HSH2D: variants seen among roughly 807,000 people sequenced by gnomAD.
HSH2D encodes the protein hematopoietic SH2 domain-containing protein.
Under a neutral mutation model 21.5 loss-of-function variants are expected in HSH2D, and 16 were observed. The observed-to-expected ratio is 0.74, with a 90% CI of 0.50 to 1.13. The LOEUF is 1.13. Ranked by LOEUF, HSH2D falls within the 50% of genes most tolerant of loss-of-function variation. HSH2D has a pLI of 0.00. For missense variants in HSH2D, 418 were observed against 441.4 expected (o/e 0.95, Z 0.47); for synonymous variants, 172 against 184.7 (o/e 0.93, Z 0.56).
upstream of HSH2D, among the ~76,000 whole-genome samples, chr19:16,140,713 C>T (rs867533589): frequency 7.9e-5 from 12 of 151,970 alleles, no homozygotes; most frequent in African/African-American, 2.7e-4. Flanking sequence ...ATGACAAAAC[C>T]CCATCTCTTC....
chr19:16,134,519 A>G (rs2090946882), intron 1 of HSH2D, among the ~76,000 whole-genome samples: 1 of 152,140 alleles, frequency 6.6e-6, no homozygotes, highest in South Asian at 2.1e-4. Flanking sequence ...TTCTGCACAC[A>G]CTATGCTTTT....
At chr19:16,152,909 C>T (rs1461448494) in intron 3 of HSH2D, 134 bp from the exon 4 acceptor site, 4 of 1,040,656 alleles carry the variant, frequency 3.8e-6, no homozygotes, top group Non-Finnish European at 5.8e-6. Flanking sequence ...GTTGCATGGC[C>T]AGTGAGTGAA....
At chr19:16,150,090 C>T (rs1234873659) in intron 2 of HSH2D, among the ~76,000 whole-genome samples, 2 of 152,080 alleles carry the variant, frequency 1.3e-5, no homozygotes, top group Non-Finnish European at 2.9e-5. Context: ...TTGCACATTG[C>T]AATTTAAAAA....
chr19:16,141,352 C>A (rs2090998765), upstream of HSH2D, among the ~76,000 whole-genome samples: 1 of 152,180 alleles, frequency 6.6e-6, no homozygotes, highest in Non-Finnish European at 1.5e-5. Flanking sequence ...GGGCAATAGG[C>A]CCTTGGGGAG....
At chr19:16,147,269 G>A (rs1285740107) in intron 1 of HSH2D, among the ~76,000 whole-genome samples, 1 of 151,968 alleles carries the variant, frequency 6.6e-6, no homozygotes, top group African/African-American at 2.4e-5. Context: ...TGGATTTCTT[G>A]AGTCCAGGAG....
chr19:16,142,647 G>C (rs1300232881), upstream of HSH2D, among the ~76,000 whole-genome samples: 1 of 151,964 alleles, frequency 6.6e-6, no homozygotes, highest in African/African-American at 2.4e-5. Context: ...AGTTTTAGTA[G>C]AGACGGGATT....
chr19:16,149,137 C>T (rs2091112991), intron 2 of HSH2D, among the ~76,000 whole-genome samples: 2 of 152,150 alleles, frequency 1.3e-5, no homozygotes, highest in Non-Finnish European at 2.9e-5. Context: ...AGGGACCTGG[C>T]AGCACCCCAC....
chr19:16,152,241 C>T (rs1158422893), intron 2 of HSH2D, among the ~76,000 whole-genome samples: 3 of 151,556 alleles, frequency 2.0e-5, no homozygotes, highest in Non-Finnish European at 4.4e-5. Flanking sequence ...CACAGTGAAA[C>T]CCCATCTCTA....
chr19:16,137,136 C>T (rs2090969330), intron 1 of HSH2D, among the ~76,000 whole-genome samples: 1 of 152,168 alleles, frequency 6.6e-6, no homozygotes. Context: ...CCCTCAACAA[C>T]TGAACTTAGT....
chr19:16,142,524 T>G (rs2091009763), upstream of HSH2D, among the ~76,000 whole-genome samples: 1 of 148,482 alleles, frequency 6.7e-6, no homozygotes, highest in Non-Finnish European at 1.5e-5. Flanking sequence ...AGTGCAGTGG[T>G]GAGATCTCAG....
At chr19:16,153,368 C>A (rs918605098) in intron 4 of HSH2D, among the ~76,000 whole-genome samples, 160 bp downstream of exon 4, 4 of 152,258 alleles carry the variant, frequency 2.6e-5, no homozygotes, top group African/African-American at 7.2e-5. Context: ...CCCCCCACAG[C>A]GGTCTCCGTT....
chr19:16,148,536 T>C (rs1341712485), intron 1 of HSH2D, among the ~76,000 whole-genome samples, 188 bp from the exon 2 acceptor site: 1 of 152,142 alleles, frequency 6.6e-6, no homozygotes, highest in Non-Finnish European at 1.5e-5. Context: ...TCCTCCCACC[T>C]TGGCCTCCCA....
Position 16,153,047 on chromosome 19 carries a change from C to T in HSH2D, c.220C>T (p.Gln74Ter), listed in dbSNP as rs1367005038. 6.2e-7 allele frequency: 1 copy of T among 1,609,508 alleles called. No individual in the cohort carries two copies. Among genetic ancestry groups the T allele is most frequent in the Non-Finnish European group, 8.5e-7 (1 of 1,178,126 alleles). The change falls in exon 4 of 6, where the codon CAA becomes TAA. Residue 74 changes from glutamine to a stop codon, truncating the protein, a stop_gained. Coordinates refer to ENST00000613986, the MANE Select transcript of HSH2D (RefSeq NM_001382417.1). LOFTEE classifies it high-confidence loss of function. Reference protein sequence around the residue: ...HVGYTLSYKAQSSCCHFMVKL... With the variant: ...HVGYTLSYKA ...GCCCCCGCAGTGTCTCCGCAGAGCC[C>T]AAAGCAGCTGCTGCCATTTCATGGT...
intron 4 of HSH2D, among the ~76,000 whole-genome samples, chr19:16,153,771 A>C (rs113455377): frequency 3.4e-4 from 49 of 144,150 alleles, no homozygotes; most frequent in African/African-American, 1.2e-3. Flanking sequence ...TTTCCTTAGA[A>C]GGCCCAGTGG....
chr19:16,135,667 T>C (rs17795796), intron 1 of HSH2D, among the ~76,000 whole-genome samples: 21,655 of 152,192 alleles, frequency 0.14, 1,833 homozygotes, highest in East Asian at 0.29. Context: ...CCTAGTCTTG[T>C]AGTCTCCTGA....
rs1450984088 is a variant in HSH2D, at chr19:16,157,007, A to G, written c.475-203A>G. On this transcript the variant is annotated intron_variant, in intron 5 of 5. Coordinates refer to ENST00000613986, the MANE Select transcript of HSH2D (RefSeq NM_001382417.1). The surrounding 1 kb of genome is among the most constrained non-coding windows in gnomAD (Gnocchi z 4.4). ...TCTCAAAAAAAAAAAAAGGAAGAAGAACAAGTTTGCCAACCCCTGGGGGAG... is the reference window on the plus strand; with the variant it reads ...TCTCAAAAAAAAAAAAAGGAAGAAGGACAAGTTTGCCAACCCCTGGGGGAG... Among the ~76,000 whole-genome samples the G allele has an allele frequency of 6.6e-6, 1 of 151,316 alleles. No individual in the cohort carries two copies. The highest frequency in any genetic ancestry group is 1.5e-5 in the Non-Finnish European group (1 of 67,882).
intron 4 of HSH2D, 49 bp downstream of exon 4, chr19:16,153,257 C>G: frequency 5.6e-6 from 8 of 1,433,802 alleles, no homozygotes; most frequent in Non-Finnish European, 7.3e-6. Context: ...TGGGGCCAAG[C>G]CCCCCAGACC....
chr19:16,135,908 G>A (rs1028194689), intron 1 of HSH2D, among the ~76,000 whole-genome samples: 1 of 152,172 alleles, frequency 6.6e-6, no homozygotes, highest in Non-Finnish European at 1.5e-5. Context: ...TGAAGGACAC[G>A]CAAATGGCCT....
upstream of HSH2D, among the ~76,000 whole-genome samples, chr19:16,143,349 G>A (rs2091020155): frequency 6.6e-6 from 1 of 152,190 alleles, no homozygotes; most frequent in Non-Finnish European, 1.5e-5. Context: ...CTGTCAAAGT[G>A]CTGGGATTGC....
Sources: allele counts gnomAD v4.1 joint callset (sites outside exome capture counted in the v4.1 genomes callset), GRCh38; gene constraint gnomAD v4.1.1; non-coding constraint Gnocchi (gnomAD v3.1); transcripts MANE v1.5; gene names NCBI Gene and HGNC (gene_info 2026-07-23, HGNC 2026-07-21).